Variants in CHRM3 observed in about 807,000 individuals in gnomAD.
The protein encoded by CHRM3 is muscarinic acetylcholine receptor M3.
In CHRM3, 11 loss-of-function variants were observed where a neutral mutation model predicts 41.8. The ratio of observed to expected loss-of-function variants is 0.26; its 90% CI spans 0.17 to 0.44. CHRM3 has a LOEUF of 0.44. Among genes scored for constraint, CHRM3 ranks in the 20% least tolerant of loss-of-function variants. CHRM3 has a pLI of 1.00. For missense variants in CHRM3, 571 were observed against 745.4 expected (o/e 0.77, Z 2.72); for synonymous variants, 297 against 301.4 (o/e 0.99, Z 0.15).
At chr1:239,823,939 C>G (rs1231911309) in intron 5 of CHRM3, among the ~76,000 whole-genome samples, 2 of 152,142 alleles carry the variant, frequency 1.3e-5, no homozygotes, top group South Asian at 2.1e-4. Flanking sequence ...AGATCAGACG[C>G]TGACCTTTCA....
At chr1:239,588,580 A>G (rs1663684903) in intron 3 of CHRM3, among the ~76,000 whole-genome samples, 1 of 152,222 alleles carries the variant, frequency 6.6e-6, no homozygotes, top group African/African-American at 2.4e-5. Context: ...ATGATTTTGA[A>G]TATTAAAAGA....
At chr1:239,404,148 G>C (rs1455638330) in intron 1 of CHRM3, among the ~76,000 whole-genome samples, 1 of 151,020 alleles carries the variant, frequency 6.6e-6, no homozygotes, top group Non-Finnish European at 1.5e-5. Context: ...AATTAGCCAG[G>C]CGTGGTGGTG....
chr1:239,453,061 A>G (rs1664675310), intron 1 of CHRM3, among the ~76,000 whole-genome samples: 1 of 152,172 alleles, frequency 6.6e-6, no homozygotes, highest in Non-Finnish European at 1.5e-5. Flanking sequence ...CAGCCTCCCA[A>G]AGTGCTGGGA....
intron 1 of CHRM3, among the ~76,000 whole-genome samples, chr1:239,446,104 T>TA (rs1664120287): frequency 1.3e-5 from 2 of 151,934 alleles, no homozygotes; most frequent in South Asian, 2.1e-4. Context: ...ACCCGGCTAA[T>TA]TTTTGTATTT....
intron 3 of CHRM3, among the ~76,000 whole-genome samples, chr1:239,588,007 G>A (rs948473467): frequency 5.3e-5 from 8 of 151,990 alleles, no homozygotes; most frequent in African/African-American, 1.9e-4. Context: ...TTAAACATTC[G>A]ATCAGACCAA....
At chr1:239,407,963 G>T (rs1297012246) in intron 1 of CHRM3, among the ~76,000 whole-genome samples, 1 of 152,042 alleles carries the variant, frequency 6.6e-6, no homozygotes, top group Non-Finnish European at 1.5e-5. Flanking sequence ...TACCTACAAG[G>T]TACCACTATG....
chr1:239,718,078 A>G (rs781637689), intron 5 of CHRM3, among the ~76,000 whole-genome samples: 15 of 152,064 alleles, frequency 9.9e-5, no homozygotes, highest in Non-Finnish European at 2.1e-4. Flanking sequence ...ATGCCAAGAA[A>G]GATGACAGTG....
chr1:239,520,645 C>A (rs1016325424), intron 2 of CHRM3, among the ~76,000 whole-genome samples: 1 of 152,094 alleles, frequency 6.6e-6, no homozygotes, highest in Non-Finnish European at 1.5e-5. Context: ...TCAGGTAGTT[C>A]TTTATTGCAA....
chr1:239,675,976 C>T (rs1407249866), intron 4 of CHRM3, among the ~76,000 whole-genome samples: 2 of 152,160 alleles, frequency 1.3e-5, no homozygotes, highest in African/African-American at 4.8e-5. Context: ...TTTACATGAG[C>T]CTTCTCTCAT....
At chr1:239,641,110 T>C (rs1392861601) in intron 4 of CHRM3, among the ~76,000 whole-genome samples, 1 of 152,222 alleles carries the variant, frequency 6.6e-6, no homozygotes, top group African/African-American at 2.4e-5. Context: ...TCTAGTTTGA[T>C]TGCACTGTGG....
intron 3 of CHRM3, among the ~76,000 whole-genome samples, chr1:239,554,946 T>A (rs536501257): frequency 2.0e-5 from 3 of 152,204 alleles, no homozygotes; most frequent in Non-Finnish European, 4.4e-5. Flanking sequence ...GCCAGGCTGG[T>A]CTCAAACTCC....
chr1:239,715,625 A>G (rs1662271873), intron 5 of CHRM3, among the ~76,000 whole-genome samples: 1 of 152,120 alleles, frequency 6.6e-6, no homozygotes, highest in Admixed American at 6.6e-5. Context: ...GAGAAGTGGG[A>G]TTGCTAATAA....
intron 3 of CHRM3, among the ~76,000 whole-genome samples, chr1:239,588,760 A>G (rs552105607): frequency 1.3e-5 from 2 of 152,180 alleles, no homozygotes; most frequent in Non-Finnish European, 2.9e-5. Flanking sequence ...GAGTGCTACC[A>G]TCTACAAAAT....
At position 239,470,995 on chromosome 1, in the gene CHRM3, A is replaced by G. The variant is rs187321489; in HGVS notation, c.-520-21714A>G. ...CCTGCAAAATTTCTGGTGAAATAAA[A>G]TAGTTTCCAGTGGAAAAGGGGCTGA... On this transcript the variant is annotated intron_variant, in intron 1 of 6. Transcript: ENST00000676153. 2.0e-3 allele frequency among the ~76,000 whole-genome samples: 298 copies of G among 152,346 alleles called. 2 individuals carry two copies. In the Middle Eastern group the frequency reaches 0.027, roughly 14 times the overall value.
At chr1:239,563,612 G>A (rs936689552) in intron 3 of CHRM3, among the ~76,000 whole-genome samples, 2 of 152,090 alleles carry the variant, frequency 1.3e-5, no homozygotes, top group African/African-American at 4.8e-5. Context: ...GCAGCGATTT[G>A]TTTCAAGAGA....
chr1:239,464,634 G>A (rs1253553309), intron 1 of CHRM3, among the ~76,000 whole-genome samples: 1 of 152,180 alleles, frequency 6.6e-6, no homozygotes, highest in South Asian at 2.1e-4. Context: ...GGTGATGTTG[G>A]TGTCCCCTAC....
At chr1:239,867,940 G>GT (rs1676254037) in intron 6 of CHRM3, among the ~76,000 whole-genome samples, 1 of 152,084 alleles carries the variant, frequency 6.6e-6, no homozygotes, top group Non-Finnish European at 1.5e-5. Context: ...TATCAGTGTT[G>GT]TTTCACATAC....
chr1:239,451,322 C>G (rs976436036), intron 1 of CHRM3, among the ~76,000 whole-genome samples: 1 of 152,108 alleles, frequency 6.6e-6, no homozygotes, highest in Admixed American at 6.6e-5. Flanking sequence ...TGGAATTAAA[C>G]TTTTAAATTT....
intron 1 of CHRM3, among the ~76,000 whole-genome samples, chr1:239,422,649 G>C (rs537844350): frequency 6.6e-6 from 1 of 151,916 alleles, no homozygotes; most frequent in Non-Finnish European, 1.5e-5. Context: ...CAAAAAATTA[G>C]CCAGGCATGG....
Sources: allele counts gnomAD v4.1 joint callset (sites outside exome capture counted in the v4.1 genomes callset), GRCh38; gene constraint gnomAD v4.1.1; transcripts MANE v1.5; gene names NCBI Gene and HGNC (gene_info 2026-07-23, HGNC 2026-07-21).